Variants in SGCD observed in about 807,000 individuals in gnomAD.
SGCD encodes the protein sarcoglycan delta.
A neutral mutation model predicts 36.6 loss-of-function variants in SGCD; 18 were observed. The ratio of observed to expected loss-of-function variants is 0.49; its 90% confidence interval spans 0.34 to 0.73. SGCD has a LOEUF of 0.73. Among genes scored for constraint, SGCD ranks in the 30% least tolerant of loss-of-function variants. The pLI is 0.01. For synonymous variants in SGCD, 133 were observed against 130.6 expected (o/e 1.02, Z -0.12); for missense variants, 387 against 346.7 (o/e 1.12, Z -0.92).
At chr5:156,137,677 C>G (rs1007580183) in intron 3 of SGCD, among the ~76,000 whole-genome samples, 3 of 151,914 alleles carry the variant, frequency 2.0e-5, no homozygotes, top group Non-Finnish European at 4.4e-5. Context: ...TTGTGAAATA[C>G]TGGACACTTT....
chr5:155,911,293 A>ATGTG (rs371986965), intron 1 of SGCD, among the ~76,000 whole-genome samples: 378 of 141,326 alleles, frequency 2.7e-3, no homozygotes, highest in Middle Eastern at 3.6e-3. Context: ...AGTATAGTAT[A>ATGTG]TGTGTGTGTG....
rs1008038020 is a variant in SGCD, at chr5:156,255,519, C to T, written c.-43-74015C>T. 1.3e-4 allele frequency among the ~76,000 whole-genome samples: 20 copies of T among 152,130 alleles called. 1 individual carries two copies. Among genetic ancestry groups the T allele is most frequent in the South Asian group, 1.2e-3 (6 of 4,828 alleles). Reference sequence around the variant, plus strand: ...TTTTGGTAGCACTCATCTGTGAAATCGACTGTACCTGTTCTTGTGTTTTGT... The same window carrying T: ...TTTTGGTAGCACTCATCTGTGAAATTGACTGTACCTGTTCTTGTGTTTTGT... On this transcript the variant is annotated intron_variant, in intron 3 of 9. Transcript: ENST00000517913.
chr5:156,267,267 T>C (rs1407913770), intron 3 of SGCD, among the ~76,000 whole-genome samples: 1 of 152,234 alleles, frequency 6.6e-6, no homozygotes, highest in Non-Finnish European at 1.5e-5. Context: ...CTGTGAAATT[T>C]ACACTATTCT....
chr5:156,475,577 T>C (rs931609789), intron 3 of SGCD, among the ~76,000 whole-genome samples: 1 of 152,166 alleles, frequency 6.6e-6, no homozygotes, highest in Non-Finnish European at 1.5e-5. Flanking sequence ...AGCCAAAAGA[T>C]AGGAAGGAGG....
chr5:155,777,997 T>C, the SGCD span, among the ~76,000 whole-genome samples: 4 of 152,172 alleles, frequency 2.6e-5, no homozygotes, highest in African/African-American at 9.6e-5. Context: ...AGACATATAT[T>C]CTTTTGTTTC....
chr5:156,531,792 G>GA (rs530872597), intron 4 of SGCD, among the ~76,000 whole-genome samples: 3,402 of 150,034 alleles, frequency 0.023, 41 homozygotes, highest in Non-Finnish European at 0.03. Flanking sequence ...TAAGTAATGG[G>GA]AAAAAAAAAG....
intron 3 of SGCD, among the ~76,000 whole-genome samples, chr5:156,216,319 G>A (rs913409842): frequency 1.3e-5 from 2 of 152,122 alleles, no homozygotes; most frequent in African/African-American, 4.8e-5. Context: ...GATTTTAAAT[G>A]TTCTCGCAAC....
At chr5:156,325,170 G>T (rs1256708730), upstream of SGCD, among the ~76,000 whole-genome samples, 1 of 152,032 alleles carries the variant, frequency 6.6e-6, no homozygotes, top group Non-Finnish European at 1.5e-5. Flanking sequence ...TAAATGGAAA[G>T]TAGCGGTATA....
At chr5:155,789,960 G>A in the SGCD span, among the ~76,000 whole-genome samples, 1 of 151,912 alleles carries the variant, frequency 6.6e-6, no homozygotes, top group Non-Finnish European at 1.5e-5. Flanking sequence ...CATGTTAGCT[G>A]GAGTATAGAT....
At position 156,119,562 on chromosome 5, in the gene SGCD, G is replaced by A. The variant is rs534519313; in HGVS notation, c.-208+1611G>A. Among the ~76,000 whole-genome samples, 3 of 152,132 alleles carry A rather than the reference G, an allele frequency of 2.0e-5. No individual in the cohort carries two copies. The South Asian group carries it at 6.2e-4, about 32-fold the overall frequency. The stretch of plus-strand genomic sequence containing the variant: ...AGCAATGCTTCTTTAATTCCCAGTA[G>A]GACCCAAATCTGTTGGCATAGTTTT... On this transcript the variant is annotated intron_variant, in intron 2 of 9. Coordinates refer to the SGCD transcript ENST00000517913.
At chr5:156,011,533 C>T (rs1006268890) in intron 1 of SGCD, among the ~76,000 whole-genome samples, 3 of 151,762 alleles carry the variant, frequency 2.0e-5, no homozygotes, top group Non-Finnish European at 2.9e-5. Flanking sequence ...TCCTGCCCCG[C>T]GGGTTCAAGA....
chr5:156,623,772 T>G (rs1762342476), intron 6 of SGCD, among the ~76,000 whole-genome samples: 1 of 152,206 alleles, frequency 6.6e-6, no homozygotes, highest in South Asian at 2.1e-4. Flanking sequence ...CTTTTCTTCT[T>G]TGGCTGTTAA....
At chr5:156,399,050 A>G (rs915345038) in intron 3 of SGCD, among the ~76,000 whole-genome samples, 4 of 152,192 alleles carry the variant, frequency 2.6e-5, no homozygotes, top group East Asian at 1.9e-4. Context: ...TCCATTGTAT[A>G]TGAGTTTTCA....
chr5:156,501,612 C>A (rs933840159), intron 3 of SGCD, among the ~76,000 whole-genome samples: 2 of 152,220 alleles, frequency 1.3e-5, no homozygotes, highest in Non-Finnish European at 2.9e-5. Context: ...GCCCCCTTCC[C>A]CTGCCCCTAG....
intron 3 of SGCD, among the ~76,000 whole-genome samples, chr5:156,247,694 C>A (rs1183865204): frequency 6.6e-6 from 1 of 152,192 alleles, no homozygotes; most frequent in Non-Finnish European, 1.5e-5. Flanking sequence ...TAGTTCAATA[C>A]AAATACACAA....
chr5:155,858,082 T>C, the SGCD span, among the ~76,000 whole-genome samples: 1 of 152,206 alleles, frequency 6.6e-6, no homozygotes, highest in Non-Finnish European at 1.5e-5. Context: ...TTAGAATGTA[T>C]AGCGCGTGTA....
the SGCD span, among the ~76,000 whole-genome samples, chr5:155,824,245 G>C: frequency 6.6e-6 from 1 of 152,168 alleles, no homozygotes; most frequent in Admixed American, 6.6e-5. Context: ...GAGCAAGGCT[G>C]TTTGGATTCA....
intron 3 of SGCD, among the ~76,000 whole-genome samples, chr5:156,157,671 T>C (rs1252390721): frequency 6.6e-6 from 1 of 151,730 alleles, no homozygotes; most frequent in African/African-American, 2.4e-5. Context: ...TCTTCTCTCA[T>C]TGTTGGGGAA....
intron 3 of SGCD, among the ~76,000 whole-genome samples, chr5:156,498,935 C>CCTGCGTGTGT (rs149269957): frequency 2.0e-5 from 3 of 149,350 alleles, no homozygotes. Flanking sequence ...ATGTGTGCTA[C>CCTGCGTGTGT]GTGTGTGTGT....
Sources: gnomAD v4.1 joint callset for allele counts (sites outside exome capture counted in the v4.1 genomes callset) on GRCh38, gnomAD v4.1.1 for gene constraint, MANE v1.5 for transcripts, NCBI Gene and HGNC (gene_info 2026-07-23, HGNC 2026-07-21) for gene names.